CACNA2D4: variants seen among roughly 807,000 people sequenced by gnomAD.
The protein encoded by CACNA2D4 is calcium voltage-gated channel auxiliary subunit alpha2delta 4, also known as voltage-dependent calcium channel subunit alpha-2/delta-4.
A neutral mutation model predicts 163.8 loss-of-function variants in CACNA2D4; 157 were observed. That is an observed-to-expected ratio of 0.96 (90% confidence interval 0.84 to 1.09). The LOEUF (loss-of-function observed/expected upper bound fraction) is 1.09, where lower values mean the gene tolerates loss of function less well. Ranked by LOEUF, CACNA2D4 falls within the 50% of genes least tolerant of loss-of-function variation. The probability of loss-of-function intolerance (pLI) is 0.00; values close to 1 mark genes in which losing one functional copy is unlikely to be tolerated. For synonymous variants in CACNA2D4, 598 were observed against 586.9 expected, an observed-to-expected ratio of 1.02 and a Z score of -0.27; for missense variants, 1,410 against 1,479.9, an observed-to-expected ratio of 0.95 and a Z score of 0.78.
Position 1,810,548 on chromosome 12 carries a change from C to T in CACNA2D4, c.2653G>A (p.Asp885Asn), listed in dbSNP as rs779861566. 8.4e-6 allele frequency: 13 copies of T among 1,553,500 alleles called. No individual in the cohort carries two copies. Among genetic ancestry groups the T allele is most frequent in the Non-Finnish European group, 1.1e-5 (13 of 1,147,976 alleles). The change falls in exon 28 of 38, where the codon GAC becomes AAC. Residue 885 changes from aspartate (D) to asparagine (N), a missense_variant. Physicochemically the swap from Asp to Asn is conservative, Grantham distance 23. Transcript: ENST00000382722. ...VDGPCTQSCE[D>N]SDLDCFVIDN... ...CTCACACGGGCAGAACTTACACTGT[C>T]CTCGCAGCTCTGTGTGCACGGCCCA... is the stretch of plus-strand genomic sequence containing the variant.
At chr12:1,842,869 C>T (rs1311210571) in intron 25 of CACNA2D4, among the ~76,000 whole-genome samples, 1 of 152,180 alleles carries the variant, frequency 6.6e-6, no homozygotes, top group East Asian at 1.9e-4. Flanking sequence ...CTCCCCTTTG[C>T]TTCCAGAGCC....
chr12:1,914,946 A>G lies in CACNA2D4; in HGVS notation c.228-11T>C, dbSNP rs544472821. 1.2e-5 allele frequency: 20 copies of G among 1,601,454 alleles called. No individual in the cohort carries two copies. In the Admixed American group the frequency reaches 2.5e-4, roughly 20 times the overall value. ...GCCCATAGCTTCACTCTGCCAGGCA[A>G]TGAAAGGACACGCGTATACACACAC... On this transcript the variant is annotated splice_polypyrimidine_tract_variant and intron_variant, in intron 1 of 37. Transcript: ENST00000382722.
chr12:1,817,790 A>G lies in CACNA2D4; in HGVS notation c.2552-6067T>C, dbSNP rs569263739. Among the ~76,000 whole-genome samples, 41 of 152,114 alleles carry G rather than the reference A, an allele frequency of 2.7e-4. 1 individual carries two copies. Among genetic ancestry groups the G allele is most frequent in the African/African-American group, 7.7e-4 (32 of 41,416 alleles). ...CGGAGTCTGGTTCACTCAGTGCTCA[A>G]TGGTGCCCAGGCTGGAGTGCAGTGG... On this transcript the variant is annotated intron_variant, in intron 26 of 37. Transcript: ENST00000382722.
chr12:1,805,568 C>G (rs1863506279), intron 29 of CACNA2D4, among the ~76,000 whole-genome samples: 1 of 152,200 alleles, frequency 6.6e-6, no homozygotes, highest in African/African-American at 2.4e-5. Context: ...CCTCCGTCCT[C>G]CAGGCTGCAG....
At position 1,886,311 on chromosome 12, in the gene CACNA2D4, A is replaced by G. The variant is rs1430955722; in HGVS notation, c.905T>C (p.Met302Thr). 8.1e-6 allele frequency: 13 copies of G among 1,613,764 alleles called. No homozygotes were observed. The highest frequency in any genetic ancestry group is 1.3e-5 in the African/African-American group (1 of 74,926). The change falls in exon 8 of 38, where the codon ATG (methionine) becomes ACG (threonine). Residue 302 changes from methionine (M) to threonine (T), a missense_variant. Transcript: ENST00000382722. Reference sequence around the variant, plus strand: ...GGCAATAGTCATCCTCAGCCCCTTCATACTGCCGCTCACGTCCACCAAAAT... The same window carrying G: ...GGCAATAGTCATCCTCAGCCCCTTCGTACTGCCGCTCACGTCCACCAAAAT... ...IVILVDVSGS[M>T]KGLRMTIAKH...
In CACNA2D4 at chr12:1,874,267, CT is replaced by C. The variant is rs751573863; in HGVS notation, c.1878+336del. Among the ~76,000 whole-genome samples the C allele has an allele frequency of 6.6e-6, 1 of 152,158 alleles. No individual in the cohort carries two copies. Among genetic ancestry groups the C allele is most frequent in the East Asian group, 1.9e-4 (1 of 5,194 alleles). On this transcript the variant is annotated intron_variant, in intron 18 of 37. Transcript: ENST00000382722. This position sits in a 1 kb window ranked among gnomAD's most constrained non-coding sequence, Gnocchi z 4.4. ...AGCTGCTTACCATTTACAAAATCAG[CT>C]GTCACGTTTCCCCTTTTCATTATAA...
chr12:1,795,207 C>T (rs763159890), intron 37 of CACNA2D4, 92 bp downstream of exon 37: 5 of 1,128,156 alleles, frequency 4.4e-6, no homozygotes, highest in Non-Finnish European at 5.2e-6. Flanking sequence ...CATTGGCATC[C>T]CTATATGCTC....
At chr12:1,801,501 C>T (rs771321239) in intron 30 of CACNA2D4, 73 bp downstream of exon 30, 12 of 1,253,634 alleles carry the variant, frequency 9.6e-6, no homozygotes, top group South Asian at 3.8e-5. Flanking sequence ...TCCTGAGATC[C>T]GCCAGGACCA....
At position 1,844,393 on chromosome 12, in the gene CACNA2D4, G is replaced by A. The variant is rs1347104239; in HGVS notation, c.2470+9C>T. 1 of 1,613,218 alleles carries A rather than the reference G, an allele frequency of 6.2e-7. No individual in the cohort carries two copies. Among genetic ancestry groups the A allele is most frequent in the South Asian group, 1.1e-5 (1 of 90,882 alleles). On this transcript the variant is annotated intron_variant, in intron 25 of 37. Coordinates refer to ENST00000382722, the MANE Select transcript of CACNA2D4 (RefSeq NM_172364.5). The surrounding 1 kb of genome is among the most constrained non-coding windows in gnomAD (Gnocchi z 4.2). ...GGCCCAGCCCCGGGAGCACCGGGCTGTGTGTTACCTGGTCCTTCTGCCCAG... is the reference window on the plus strand; with the variant it reads ...GGCCCAGCCCCGGGAGCACCGGGCTATGTGTTACCTGGTCCTTCTGCCCAG...
chr12:1,882,484 G>C (rs2154449596), intron 13 of CACNA2D4, among the ~76,000 whole-genome samples: 1 of 127,250 alleles, frequency 7.9e-6, no homozygotes, highest in Non-Finnish European at 1.5e-5. Flanking sequence ...GGGAGAACGT[G>C]TTCCAGCTGT....
chr12:1,890,055 T>C (rs1592737265), intron 6 of CACNA2D4, among the ~76,000 whole-genome samples: 1 of 152,082 alleles, frequency 6.6e-6, no homozygotes, highest in African/African-American at 2.4e-5. Context: ...CCTCTCCAGG[T>C]TGCTCAATGC....
intron 13 of CACNA2D4, among the ~76,000 whole-genome samples, chr12:1,881,950 C>G (rs1014444982): frequency 2.0e-5 from 3 of 152,266 alleles, no homozygotes; most frequent in African/African-American, 7.2e-5. Flanking sequence ...TGCCTCGTTG[C>G]ATTCCCAGCC....
At position 1,796,980 on chromosome 12, in the gene CACNA2D4, TC is replaced by T. The variant is rs758715138; in HGVS notation, c.3113+437del. On this transcript the variant is annotated intron_variant, in intron 35 of 37. Coordinates refer to ENST00000382722, the MANE Select transcript of CACNA2D4 (RefSeq NM_172364.5). ...ACATCGCACACTTCCGGCCTTCTCT[TC>T]TCACACTCCCTCTGCCTTCCAAGTT... Among the ~76,000 whole-genome samples, 402 of 152,276 alleles carry T rather than the reference TC, an allele frequency of 2.6e-3. 3 individuals are homozygous for T. Among genetic ancestry groups the T allele is most frequent in the Non-Finnish European group, 2.6e-3 (177 of 68,000 alleles).
intron 6 of CACNA2D4, among the ~76,000 whole-genome samples, chr12:1,905,568 T>C (rs1034963009): frequency 1.3e-5 from 2 of 151,888 alleles, no homozygotes; most frequent in South Asian, 4.2e-4. Flanking sequence ...CAGTGAACAA[T>C]CTGAGAAATT....
chr12:1,833,653 C>G lies in CACNA2D4; in HGVS notation c.2551+7086G>C, dbSNP rs991579298. 1.3e-5 allele frequency among the ~76,000 whole-genome samples: 2 copies of G among 152,160 alleles called. No homozygotes were observed. The highest frequency in any genetic ancestry group is 2.9e-5 in the Non-Finnish European group (2 of 68,036). Reference sequence around the variant, plus strand: ...TCCTAAGGAGGAGAAGGAGAACATTCCTGCCCAACTCTTTTCCTCTTTACG... The same window carrying G: ...TCCTAAGGAGGAGAAGGAGAACATTGCTGCCCAACTCTTTTCCTCTTTACG... On this transcript the variant is annotated intron_variant, in intron 26 of 37. Transcript: ENST00000382722. The surrounding 1 kb of genome is among the most constrained non-coding windows in gnomAD (Gnocchi z 4.2).
chr12:1,914,804 G>T, intron 2 of CACNA2D4, 50 bp downstream of exon 2: 1 of 1,321,048 alleles, frequency 7.6e-7, no homozygotes, highest in Non-Finnish European at 1.1e-6. Flanking sequence ...GGCTTCGATG[G>T]CTGACTGCCC....
At chr12:1,803,710 TGACC>T (rs1342956092) in intron 29 of CACNA2D4, among the ~76,000 whole-genome samples, 1 of 152,244 alleles carries the variant, frequency 6.6e-6, no homozygotes, top group Admixed American at 6.5e-5. Flanking sequence ...TGGAATGGCC[TGACC>T]ACCAAAAACT....
chr12:1,879,279 A>G (rs1268851391), intron 14 of CACNA2D4, among the ~76,000 whole-genome samples: 3 of 152,202 alleles, frequency 2.0e-5, no homozygotes, highest in African/African-American at 7.2e-5. Flanking sequence ...TAATATTTAA[A>G]TGGAATCCAA....
chr12:1,842,499 C>T (rs1001097424), intron 25 of CACNA2D4, among the ~76,000 whole-genome samples: 4 of 152,140 alleles, frequency 2.6e-5, no homozygotes, highest in Admixed American at 1.3e-4. Context: ...CGTGTGTGTG[C>T]GCTGAGCGAG....
Sources: gnomAD v4.1 joint callset for allele counts (sites outside exome capture counted in the v4.1 genomes callset) on GRCh38, gnomAD v4.1.1 for gene constraint, Gnocchi (gnomAD v3.1) non-coding constraint, MANE v1.5 for transcripts, NCBI Gene and HGNC (gene_info 2026-07-23, HGNC 2026-07-21) for gene names.